The following ANKRD13A variants were observed in gnomAD, a reference collection of about 807,000 sequenced individuals.
ANKRD13A encodes the protein ankyrin repeat domain-containing protein 13A.
In ANKRD13A, 48 loss-of-function variants were observed where a neutral mutation model predicts 81.3. The ratio of observed to expected loss-of-function variants is 0.59; its 90% CI spans 0.47 to 0.75. The LOEUF (loss-of-function observed/expected upper bound fraction) is 0.75, where lower values mean the gene tolerates loss of function less well. ANKRD13A is among the 30% of genes least tolerant of loss of function. The pLI, the probability that ANKRD13A is intolerant of heterozygous loss-of-function variation, is 0.00. For synonymous variants in ANKRD13A, 230 were observed against 270.1 expected, an observed-to-expected ratio of 0.85 and a Z score of 1.45; for missense variants, 612 against 734.0, an observed-to-expected ratio of 0.83 and a Z score of 1.92.
chr12:110,032,905 G>C (rs1891780522), intron 12 of ANKRD13A: 1 of 152,124 alleles, frequency 6.6e-6, no homozygotes, highest in Non-Finnish European at 1.5e-5. Context: ...CAAACTATTA[G>C]GATGATATAC....
rs148472356 is a variant in ANKRD13A at position 110,022,199 on chromosome 12, C to T, written c.735-1847C>T. The T allele has an allele frequency of 4.1e-3, 626 of 152,492 alleles. 6 individuals are homozygous for T. The highest frequency in any genetic ancestry group is 0.034 in the South Asian group (163 of 4,820). 9.4% of individuals were successfully genotyped at this position (152,492 alleles called of 1,614,324 possible). On this transcript the variant is annotated intron_variant, in intron 6 of 14. Transcript: ENST00000261739. The stretch of plus-strand genomic sequence containing the variant: ...GCGTGCTGGCTCACGCCTGTAATTC[C>T]AGCACTTTGGGAGGCTGAGGCGGGT...
In ANKRD13A at chr12:109,999,811, C is replaced by T. The variant is rs1269836713; in HGVS notation, c.96+27C>T. 4 of 1,513,292 alleles carry T rather than the reference C, an allele frequency of 2.6e-6. No individual in the cohort carries two copies. The highest frequency in any genetic ancestry group is 1.7e-4 in the Middle Eastern group (1 of 5,792). The allele number at this position is 1,513,292 out of a possible 1,614,324, so 93.7% of individuals were successfully genotyped here. ...TGAGGGGCGGGGCGGGGGTCCGTCTCCCGGTGGGGACTTCGGGGAATCGGG... is the reference window on the plus strand; with the variant it reads ...TGAGGGGCGGGGCGGGGGTCCGTCTTCCGGTGGGGACTTCGGGGAATCGGG... On this transcript the variant is annotated intron_variant, in intron 1 of 14. Coordinates refer to ENST00000261739, the MANE Select transcript of ANKRD13A (RefSeq NM_033121.2). The surrounding 1 kb of genome is among the most constrained non-coding windows in gnomAD (Gnocchi z 4.3).
chr12:110,036,282 A>T lies in ANKRD13A; in HGVS notation c.1531A>T (p.Asn511Tyr). The change falls in exon 14 of 15, where the codon AAT (asparagine) becomes TAT (tyrosine). Residue 511 changes from asparagine (N) to tyrosine (Y), a missense_variant. Physicochemically the swap from Asn to Tyr is moderately radical, Grantham distance 143. Coordinates refer to ENST00000261739, the MANE Select transcript of ANKRD13A (RefSeq NM_033121.2). The surrounding 1 kb of genome is among the most constrained non-coding windows in gnomAD (Gnocchi z 4.6). Reference protein sequence around the residue: ...RSQELSGPASNGGISQTNTYD... With the variant: ...RSQELSGPASYGGISQTNTYD... The stretch of plus-strand genomic sequence containing the variant: ...CCAGGAACTTTCAGGACCAGCTTCG[A>T]ATGGAGGGATCAGCCAGACAAACAC... 1 of 1,614,002 alleles carries T rather than the reference A, an allele frequency of 6.2e-7. No individual in the cohort carries two copies. The highest frequency in any genetic ancestry group is 8.5e-7 in the Non-Finnish European group (1 of 1,179,894).
intron 3 of ANKRD13A, among the ~76,000 whole-genome samples, chr12:110,014,382 A>G (rs1168537207): frequency 6.6e-6 from 1 of 152,226 alleles, no homozygotes; most frequent in Non-Finnish European, 1.5e-5. Flanking sequence ...ACTGCACTCC[A>G]GCCTGGGTGA....
chr12:110,025,706 CCT>C (rs758347434), intron 7 of ANKRD13A, 34 bp from the exon 8 acceptor site: 3 of 1,520,206 alleles, frequency 2.0e-6, no homozygotes, highest in South Asian at 1.2e-5. Flanking sequence ...GTTTTGATTC[CCT>C]GTGTCACTGT....
intron 1 of ANKRD13A, among the ~76,000 whole-genome samples, chr12:110,006,843 G>A (rs917663962): frequency 9.2e-5 from 14 of 152,024 alleles, no homozygotes; most frequent in Admixed American, 2.6e-4. Flanking sequence ...TGATCCTCCC[G>A]CCTTGGCCTC....
Position 110,018,254 on chromosome 12 carries a change from C to A in ANKRD13A, c.401-91C>A. 1 of 1,397,530 alleles carries A rather than the reference C, an allele frequency of 7.2e-7. No individual in the cohort carries two copies. The highest frequency in any genetic ancestry group is 9.8e-7 in the Non-Finnish European group (1 of 1,024,352). 86.6% of individuals were successfully genotyped at this position (1,397,530 alleles called of 1,614,324 possible). ...TGATGGTCACCATCTTGCCACTCCC[C>A]TCCTTTTATTAAATCAGAATCCTGA... On this transcript the variant is annotated intron_variant, in intron 4 of 14. Coordinates refer to ENST00000261739, the MANE Select transcript of ANKRD13A (RefSeq NM_033121.2). This position sits in a 1 kb window ranked among gnomAD's most constrained non-coding sequence, Gnocchi z 4.4.
intron 1 of ANKRD13A, among the ~76,000 whole-genome samples, chr12:110,004,382 G>A (rs1037725511): frequency 5.9e-5 from 9 of 152,128 alleles, no homozygotes; most frequent in African/African-American, 2.2e-4. Context: ...TTGGGAGGCC[G>A]AGGTGGGCGG....
chr12:110,011,628 A>T (rs1178612828), intron 1 of ANKRD13A, among the ~76,000 whole-genome samples: 1 of 152,216 alleles, frequency 6.6e-6, no homozygotes, highest in Non-Finnish European at 1.5e-5. Flanking sequence ...GAATGCTGAT[A>T]TGTGCTTGAG....
chr12:110,036,289 G>C lies in ANKRD13A; in HGVS notation c.1538G>C (p.Gly513Ala). 1 of 1,614,020 alleles carries C rather than the reference G, an allele frequency of 6.2e-7. No individual in the cohort carries two copies. The highest frequency in any genetic ancestry group is 8.5e-7 in the Non-Finnish European group (1 of 1,179,926). ...CTTTCAGGACCAGCTTCGAATGGAGGGATCAGCCAGACAAACACCTATGAC... is the reference window on the plus strand; with the variant it reads ...CTTTCAGGACCAGCTTCGAATGGAGCGATCAGCCAGACAAACACCTATGAC... ...QELSGPASNG[G>A]ISQTNTYDAQ... Residue 513 changes from glycine to alanine, a missense_variant, in exon 14 of 15, where the codon GGG becomes GCG. Coordinates refer to ENST00000261739, the MANE Select transcript of ANKRD13A (RefSeq NM_033121.2). This position sits in a 1 kb window ranked among gnomAD's most constrained non-coding sequence, Gnocchi z 4.6.
Position 110,037,675 on chromosome 12 carries a change from C to A in ANKRD13A, c.*121C>A. The A allele has an allele frequency of 9.8e-7, 1 of 1,017,090 alleles. No individual in the cohort carries two copies. Among genetic ancestry groups the A allele is most frequent in the Non-Finnish European group, 1.4e-6 (1 of 713,610 alleles). The allele number at this position is 1,017,090 out of a possible 1,614,324, so 63.0% of individuals were successfully genotyped here. On this transcript the variant is annotated 3_prime_UTR_variant, in exon 15 of 15. Transcript: ENST00000261739. ...GCGTGCATGCAGCAGGCAACAACTG[C>A]CCCTTCTTTATGCAGAGGTGCAGAA... is the stretch of plus-strand genomic sequence containing the variant.
intron 4 of ANKRD13A, among the ~76,000 whole-genome samples, chr12:110,017,618 T>C (rs893111926): frequency 2.0e-4 from 30 of 152,216 alleles, no homozygotes; most frequent in African/African-American, 7.2e-4. Flanking sequence ...ATAGTCACTC[T>C]TATTTCAGGT....
chr12:110,002,330 C>A (rs939802263), intron 1 of ANKRD13A, among the ~76,000 whole-genome samples: 1 of 152,028 alleles, frequency 6.6e-6, no homozygotes, highest in Non-Finnish European at 1.5e-5. Flanking sequence ...ACAAAAAATT[C>A]TTAAGTCCGG....
intron 12 of ANKRD13A, among the ~76,000 whole-genome samples, chr12:110,033,022 G>A (rs1487830270): frequency 1.3e-5 from 2 of 151,488 alleles, no homozygotes; most frequent in South Asian, 2.1e-4. Context: ...GGATGTGCCC[G>A]CAGTATGGTA....
chr12:109,999,493 C>A lies in ANKRD13A; in HGVS notation c.-196C>A, dbSNP rs550586148. On this transcript the variant is annotated 5_prime_UTR_variant, in exon 1 of 15. Transcript: ENST00000261739. The surrounding 1 kb of genome is among the most constrained non-coding windows in gnomAD (Gnocchi z 4.3). Reference sequence around the variant, plus strand: ...CCGCGGGGCGCGGGGTGGGCGCGGCCGACCTGGTCCCTGAGCCGGCCGGCG... The same window carrying A: ...CCGCGGGGCGCGGGGTGGGCGCGGCAGACCTGGTCCCTGAGCCGGCCGGCG... 59 of 290,588 alleles carry A rather than the reference C, an allele frequency of 2.0e-4. No individual in the cohort carries two copies. The highest frequency in any genetic ancestry group is 1.2e-3 in the African/African-American group (53 of 44,954). The allele number at this position is 290,588 out of a possible 1,614,324, so 18.0% of individuals were successfully genotyped here. A position where few individuals can be genotyped will look rare whatever the true frequency, so the allele number is the denominator to read the frequency against.
At chr12:110,021,591 AATTTTTGT>A (rs1480379571) in intron 6 of ANKRD13A, 2 of 152,114 alleles carry the variant, frequency 1.3e-5, no homozygotes, top group Non-Finnish European at 2.9e-5. Flanking sequence ...ATGCCCAGCT[AATTTTTGT>A]ATTTTTGTAG....
chr12:110,033,918 T>C lies in ANKRD13A; in HGVS notation c.1470T>C (p.Phe490=), dbSNP rs1418032052. Residue 490 remains phenylalanine (F), a synonymous_variant, in exon 13 of 15, where the codon TTT becomes TTC. Coordinates refer to ENST00000261739, the MANE Select transcript of ANKRD13A (RefSeq NM_033121.2). ...ATGAAGATTACGAGATAATGCAGTT[T>C]GCCATCCAGCAAAGTCTGCTGGAGT... ...LQDEDYEIMQ[F]AIQQSLLESS... 1 of 1,612,026 alleles carries C rather than the reference T, an allele frequency of 6.2e-7. No individual in the cohort carries two copies. Among genetic ancestry groups the C allele is most frequent in the South Asian group, 1.1e-5 (1 of 90,682 alleles).
At chr12:110,008,481 A>G (rs772308323) in intron 1 of ANKRD13A, among the ~76,000 whole-genome samples, 9 of 152,218 alleles carry the variant, frequency 5.9e-5, no homozygotes, top group Non-Finnish European at 1.3e-4. Context: ...CGCATTTGTC[A>G]TCAGGATAAT....
intron 1 of ANKRD13A, among the ~76,000 whole-genome samples, chr12:110,005,514 A>C (rs1890197324): frequency 6.6e-6 from 1 of 152,198 alleles, no homozygotes; most frequent in African/African-American, 2.4e-5. Context: ...CAGCCCAGGC[A>C]ACCTGCTAAC....
Sources: allele counts gnomAD v4.1 joint callset (sites outside exome capture counted in the v4.1 genomes callset), GRCh38; gene constraint gnomAD v4.1.1; non-coding constraint Gnocchi (gnomAD v3.1); transcripts MANE v1.5; gene names NCBI Gene and HGNC (gene_info 2026-07-23, HGNC 2026-07-21).